Variants in GRHL3 observed in about 807,000 individuals in gnomAD.
GRHL3 encodes grainyhead-like protein 3 homolog.
Under a neutral mutation model 70.3 loss-of-function variants are expected in GRHL3, and 20 were observed. The observed-to-expected ratio is 0.28, with a 90% confidence interval of 0.20 to 0.41. The LOEUF is 0.41. GRHL3 is among the 10% of genes least tolerant of loss of function. GRHL3 has a pLI of 1.00. For synonymous variants in GRHL3, 299 were observed against 299.9 expected, an observed-to-expected ratio of 1.00 and a Z score of 0.03; for missense variants, 637 against 762.3, an observed-to-expected ratio of 0.84 and a Z score of 1.94.
rs200425622 is a variant in GRHL3 at position 24,334,642 on chromosome 1, C to T, written c.205-3C>T. On this transcript the variant is annotated splice_region_variant and splice_polypyrimidine_tract_variant and intron_variant, in intron 2 of 15. Coordinates refer to ENST00000361548, the MANE Select transcript of GRHL3 (RefSeq NM_198173.3). This position sits in a 1 kb window ranked among gnomAD's most constrained non-coding sequence, Gnocchi z 4.3. ...CATAAATCCTTCCTTTCTCTCTTCT[C>T]AGGGTCCCAAGGAGAAGCGGATATT... The T allele has an allele frequency of 6.2e-7, 1 of 1,609,922 alleles. No individual in the cohort carries two copies. Among genetic ancestry groups the T allele is most frequent in the African/African-American group, 1.3e-5 (1 of 74,916 alleles).
chr1:24,361,168 C>T, intron 15 of GRHL3: 1 of 805,970 alleles, frequency 1.2e-6, no homozygotes, highest in Non-Finnish European at 1.9e-6. Context: ...GGCACTGGGG[C>T]AGAGCCCTAG....
At chr1:24,339,536 C>A in intron 7 of GRHL3, 132 bp from the exon 8 acceptor site, 2 of 574,386 alleles carry the variant, frequency 3.5e-6, no homozygotes, top group East Asian at 5.6e-5. Flanking sequence ...GCCTCGGCCT[C>A]CCAAAGTGCT....
chr1:24,337,523 C>T, intron 5 of GRHL3, 113 bp from the exon 6 acceptor site: 1 of 1,153,664 alleles, frequency 8.7e-7, no homozygotes, highest in Non-Finnish European at 1.2e-6. Context: ...AGGTTATTTT[C>T]CAAGGTCAAA....
intron 1 of GRHL3, among the ~76,000 whole-genome samples, chr1:24,331,085 T>C (rs146083472): frequency 5.3e-5 from 8 of 152,354 alleles, no homozygotes; most frequent in Middle Eastern, 6.8e-3. Flanking sequence ...ATCATTGGCA[T>C]TTCCCATTCA....
chr1:24,351,311 G>T (rs1370985404), intron 15 of GRHL3, among the ~76,000 whole-genome samples: 1 of 152,078 alleles, frequency 6.6e-6, no homozygotes, highest in African/African-American at 2.4e-5. Context: ...CACAGGCCCA[G>T]CCCTGCCTGC....
intron 1 of GRHL3, 131 bp downstream of exon 1, chr1:24,319,699 G>A (rs1639106884): frequency 6.3e-7 from 1 of 1,594,404 alleles, no homozygotes; most frequent in East Asian, 2.2e-5. Flanking sequence ...TGAATGGGCT[G>A]ACGATCTTAC....
intron 15 of GRHL3, among the ~76,000 whole-genome samples, chr1:24,361,344 T>C (rs185709886): frequency 5.3e-5 from 8 of 152,268 alleles, no homozygotes; most frequent in East Asian, 1.9e-4. Flanking sequence ...TCAGTGTGCA[T>C]TGCTGGAGAT....
intron 6 of GRHL3, 75 bp from the exon 7 acceptor site, chr1:24,337,915 CTG>C: frequency 1.3e-6 from 2 of 1,551,184 alleles, no homozygotes; most frequent in East Asian, 4.5e-5. Context: ...GTTGGGGAAA[CTG>C]AGGCAAAAGG....
intron 15 of GRHL3, chr1:24,361,110 C>T: frequency 1.5e-6 from 2 of 1,373,064 alleles, no homozygotes; most frequent in East Asian, 2.5e-5. Flanking sequence ...TTTCTAGACA[C>T]AGCCAAGACC....
intron 2 of GRHL3, among the ~76,000 whole-genome samples, chr1:24,333,945 A>G (rs540597444): frequency 6.6e-6 from 1 of 152,356 alleles, no homozygotes; most frequent in African/African-American, 2.4e-5. Context: ...AGGTATTATA[A>G]CCACTCACTT....
At chr1:24,362,815 G>A (rs946012346) in intron 15 of GRHL3, among the ~76,000 whole-genome samples, 5 of 152,208 alleles carry the variant, frequency 3.3e-5, no homozygotes, top group Admixed American at 1.3e-4. Flanking sequence ...AGCAGCTGGC[G>A]TGGATGCTTA....
intron 1 of GRHL3, among the ~76,000 whole-genome samples, chr1:24,328,899 G>C (rs1569861979): frequency 6.6e-6 from 1 of 152,198 alleles, no homozygotes; most frequent in Non-Finnish European, 1.5e-5. Context: ...GTTGATCCAG[G>C]GGGTGGGATC....
At position 24,346,584 on chromosome 1, in the gene GRHL3, A is replaced by C. The variant is rs200274487; in HGVS notation, c.1486A>C (p.Thr496Pro). 4 of 1,613,014 alleles carry C rather than the reference A, an allele frequency of 2.5e-6. No homozygotes were observed. Among genetic ancestry groups the C allele is most frequent in the Non-Finnish European group, 3.4e-6 (4 of 1,179,626 alleles). The change falls in exon 13 of 16, where the codon ACT becomes CCT. Residue 496 changes from threonine to proline, a missense_variant. Transcript: ENST00000361548. The part of the protein sequence containing the change: ...LPLKRTCSPF[T>P]EEFEPLPSKQ... ...TCTGAAGCGTACCTGCTCGCCCTTC[A>C]CTGAGGAGTTTGAGCCTCTGCCCTC...
At position 24,338,086 on chromosome 1, in the gene GRHL3, A is replaced by C. The variant is rs780280734; in HGVS notation, c.935A>C (p.Gln312Pro). 1 of 1,610,506 alleles carries C rather than the reference A, an allele frequency of 6.2e-7. No individual in the cohort carries two copies. The highest frequency in any genetic ancestry group is 8.5e-7 in the Non-Finnish European group (1 of 1,178,218). The change falls in exon 7 of 16, where the codon CAG (glutamine) becomes CCG (proline). Residue 312 changes from glutamine (Q) to proline (P), a missense_variant. Gln to Pro is a moderately conservative substitution (Grantham distance 76, BLOSUM62 -1). This residue lies in a region of GRHL3 where 387 missense variants were observed against 513.8 expected (regional missense o/e 0.75). Coordinates refer to ENST00000361548, the MANE Select transcript of GRHL3 (RefSeq NM_198173.3). ...HWHSRQPTAK[Q>P]RVIDVADCKE... ...CATTCCCGGCAACCCACTGCCAAGC[A>C]GCGGGTCATTGACGTGGGTGAGAGC... is the stretch of plus-strand genomic sequence containing the variant.
exon 16 of GRHL3, chr1:24,364,428 C>T (rs1480952760): frequency 2.0e-6 from 3 of 1,477,498 alleles, no homozygotes; most frequent in African/African-American, 1.4e-5. Context: ...TGAGAGCTCT[C>T]AGCTCAGAGT....
At chr1:24,347,114 C>A (rs952708434) in intron 13 of GRHL3, among the ~76,000 whole-genome samples, 1 of 152,232 alleles carries the variant, frequency 6.6e-6, no homozygotes, top group Non-Finnish European at 1.5e-5. Context: ...ATGAATCGAG[C>A]TTTGCGTGGC....
chr1:24,348,945 A>T (rs574465728), intron 14 of GRHL3, among the ~76,000 whole-genome samples: 1 of 152,202 alleles, frequency 6.6e-6, no homozygotes, highest in Non-Finnish European at 1.5e-5. Context: ...AGCTAGTACT[A>T]ATCAACACCG....
In GRHL3 at chr1:24,336,760, G is replaced by A. The variant is rs1322914051; in HGVS notation, c.545G>A (p.Ser182Asn). Reference protein sequence around the residue: ...DNGSLNSLFESIHGVPPTQRW... With the variant: ...DNGSLNSLFENIHGVPPTQRW... The stretch of plus-strand genomic sequence containing the variant: ...GGCTCCCTCAACTCCTTGTTTGAGA[G>A]CATTCATGGGGTGCCGCCCACACAG... The change falls in exon 4 of 16, where the codon AGC (serine) becomes AAC (asparagine). Residue 182 changes from serine to asparagine, a missense_variant. By Grantham distance (46) the Ser-to-Asn change is conservative. Around this residue, in one of 2 missense-constraint regions of GRHL3, gnomAD observed 250 missense variants for 248.6 expected, o/e 1.01. Transcript: ENST00000361548. 11 of 1,613,924 alleles carry A rather than the reference G, an allele frequency of 6.8e-6. No individual in the cohort carries two copies. Among genetic ancestry groups the A allele is most frequent in the Admixed American group, 1.7e-5 (1 of 60,008 alleles).
chr1:24,357,263 G>C (rs1197160713), downstream of GRHL3: 1 of 152,252 alleles, frequency 6.6e-6, no homozygotes, highest in Non-Finnish European at 1.5e-5. Flanking sequence ...ATGTGTGAAG[G>C]TTAAATGACA....
Sources: allele counts gnomAD v4.1 joint callset (sites outside exome capture counted in the v4.1 genomes callset), GRCh38; gene constraint gnomAD v4.1.1; regional missense constraint gnomAD v4.1.1; non-coding constraint Gnocchi (gnomAD v3.1); transcripts MANE v1.5; gene names NCBI Gene and HGNC (gene_info 2026-07-23, HGNC 2026-07-21).